ZNF721: variants seen among roughly 807,000 people sequenced by gnomAD.
ZNF721 encodes the protein zinc finger protein 721.
A neutral mutation model predicts 2.4 loss-of-function variants in ZNF721; 2 were observed. The ratio of observed to expected loss-of-function variants is 0.82; its 90% CI spans 0.34 to 2.58. ZNF721 has a LOEUF of 2.58. Among genes scored for constraint, ZNF721 ranks in the 30% most tolerant of loss-of-function variants. The pLI is 0.11. For synonymous variants in ZNF721, 398 were observed against 381.8 expected, an observed-to-expected ratio of 1.04 and a Z score of -0.50; for missense variants, 1,187 against 1,085.5, an observed-to-expected ratio of 1.09 and a Z score of -1.31.
In ZNF721 at chr4:490,348, C is replaced by T. The variant is rs1346054880; in HGVS notation, c.-94+8708G>A. On this transcript the variant is annotated intron_variant, in intron 1 of 2. Coordinates refer to ENST00000511833, the MANE Select transcript of ZNF721 (RefSeq NM_133474.4). Reference sequence around the variant, plus strand: ...ACAATTAGCCAGGTGTGGTGGCAGGCGCCTGTAGTCCCAGCTACTCAGGAG... The same window carrying T: ...ACAATTAGCCAGGTGTGGTGGCAGGTGCCTGTAGTCCCAGCTACTCAGGAG... Among the ~76,000 whole-genome samples, 5 of 151,982 alleles carry T rather than the reference C, an allele frequency of 3.3e-5. No homozygotes were observed. The East Asian group carries it at 9.8e-4, about 30-fold the overall frequency.
At chr4:452,404 A>T (rs1239735749) in intron 2 of ZNF721, among the ~76,000 whole-genome samples, 1 of 152,184 alleles carries the variant, frequency 6.6e-6, no homozygotes, top group Non-Finnish European at 1.5e-5. Flanking sequence ...TACCACTAAA[A>T]AGGAGGCCCA....
intron 2 of ZNF721, among the ~76,000 whole-genome samples, chr4:469,599 TAAAC>T (rs1219485278): frequency 6.6e-6 from 1 of 152,224 alleles, no homozygotes; most frequent in Admixed American, 6.5e-5. Context: ...AGTGTAACCT[TAAAC>T]AACTTTAAAT....
At chr4:490,810 T>G (rs1716001083) in intron 1 of ZNF721, among the ~76,000 whole-genome samples, 1 of 151,990 alleles carries the variant, frequency 6.6e-6, no homozygotes, top group Non-Finnish European at 1.5e-5. Context: ...CTGTGCAGGC[T>G]GGGCGCGGTG....
intron 2 of ZNF721, among the ~76,000 whole-genome samples, chr4:459,671 A>T (rs1714955845): frequency 6.6e-6 from 1 of 152,100 alleles, no homozygotes; most frequent in African/African-American, 2.4e-5. Flanking sequence ...CTCTACTAAA[A>T]ATACAAAAAA....
Position 442,094 on chromosome 4 carries a change from C to G in ZNF721, c.2373G>C (p.Thr791=), listed in dbSNP as rs371250652. The part of the protein sequence containing the change: ...YKCKECGKVI[T]SSSSFAKHKR... The stretch of plus-strand genomic sequence containing the variant: ...TATGTTTAGCAAAGCTTGAGGATGA[C>G]GTAATGACTTTGCCACATTCCTTAC... Residue 791 remains threonine, a synonymous_variant, in exon 3 of 3, where the codon ACG becomes ACC. Coordinates refer to ENST00000511833, the MANE Select transcript of ZNF721 (RefSeq NM_133474.4). The G allele has an allele frequency of 5.0e-5, 81 of 1,613,718 alleles. No individual in the cohort carries two copies. Among genetic ancestry groups the G allele is most frequent in the Middle Eastern group, 1.7e-4 (1 of 6,060 alleles).
rs1409771610 is a variant in ZNF721, at chr4:459,529, A to G, written c.34+13046T>C. On this transcript the variant is annotated intron_variant, in intron 2 of 2. Transcript: ENST00000511833. ...CTGATAAAACAGACTTTAAACCAAC[A>G]AAGATAAAAAACAGAAGGGGTCAGG... Among the ~76,000 whole-genome samples the G allele has an allele frequency of 2.0e-5, 3 of 151,496 alleles. No individual in the cohort carries two copies. In the East Asian group the frequency reaches 5.8e-4, roughly 29 times the overall value.
In ZNF721 at chr4:444,513, G is replaced by A. The variant is rs548474036; in HGVS notation, c.35-81C>T. 1.6e-3 allele frequency: 2,085 copies of A among 1,326,222 alleles called. 6 individuals are homozygous for A. The highest frequency in any genetic ancestry group is 1.9e-3 in the Non-Finnish European group (1,874 of 979,222). 82.2% of individuals were successfully genotyped at this position (1,326,222 alleles called of 1,614,324 possible). ...TTTACAAATCATAAGATTATACAAA[G>A]TACGCTAGTAAGATCACATAACAAA... On this transcript the variant is annotated intron_variant, in intron 2 of 2. Transcript: ENST00000511833.
At chr4:482,679 T>G (rs1280078773) in intron 1 of ZNF721, among the ~76,000 whole-genome samples, 1 of 151,420 alleles carries the variant, frequency 6.6e-6, no homozygotes, top group Non-Finnish European at 1.5e-5. Flanking sequence ...GTATTTTTAG[T>G]AGAGACGGGG....
At chr4:489,045 T>C (rs570166516) in intron 1 of ZNF721, among the ~76,000 whole-genome samples, 105 of 152,138 alleles carry the variant, frequency 6.9e-4, no homozygotes, top group Non-Finnish European at 1.4e-3. Flanking sequence ...CTGTCGCAAC[T>C]TAGGCCTAGG....
chr4:478,814 G>A (rs545793576), intron 1 of ZNF721, among the ~76,000 whole-genome samples: 1 of 149,052 alleles, frequency 6.7e-6, no homozygotes, highest in East Asian at 2.0e-4. Context: ...TTGTCGCCCA[G>A]GCTGGAGTGC....
At chr4:453,586 T>C (rs531554916) in intron 2 of ZNF721, 2 of 152,338 alleles carry the variant, frequency 1.3e-5, no homozygotes, top group African/African-American at 4.8e-5. Flanking sequence ...TATCTACTAA[T>C]GGTCAGCACA....
chr4:492,011 A>T (rs4690272), intron 1 of ZNF721, among the ~76,000 whole-genome samples: 80,616 of 150,570 alleles, frequency 0.54, 23,730 homozygotes, highest in East Asian at 0.71. Context: ...AAATACAAAA[A>T]ATTAGTCGGG....
intron 2 of ZNF721, among the ~76,000 whole-genome samples, chr4:462,770 G>A (rs530948268): frequency 1.3e-5 from 2 of 152,174 alleles, no homozygotes; most frequent in East Asian, 3.9e-4. Flanking sequence ...GATTAAAGAC[G>A]TAAATGTAAG....
chr4:448,193 A>G (rs1293110869), intron 2 of ZNF721, among the ~76,000 whole-genome samples: 5 of 152,158 alleles, frequency 3.3e-5, no homozygotes, highest in Admixed American at 2.0e-4. Context: ...TTAAAATTCA[A>G]ATTTTACAGA....
chr4:460,725 G>A (rs1274146339), intron 2 of ZNF721, among the ~76,000 whole-genome samples: 1 of 151,332 alleles, frequency 6.6e-6, no homozygotes, highest in African/African-American at 2.4e-5. Context: ...GAAGAAAAGA[G>A]AGAAGAATCA....
chr4:445,775 TACAC>T (rs1553864079), intron 2 of ZNF721, among the ~76,000 whole-genome samples: 2 of 152,146 alleles, frequency 1.3e-5, no homozygotes, highest in South Asian at 2.1e-4. Flanking sequence ...TCAACTAGGA[TACAC>T]ACACAGATTT....
intron 2 of ZNF721, among the ~76,000 whole-genome samples, chr4:471,949 CACTT>C (rs1272971330): frequency 1.3e-5 from 2 of 152,178 alleles, no homozygotes; most frequent in Admixed American, 1.3e-4. Context: ...AGTAAGTCCT[CACTT>C]AATGTTCAAA....
At chr4:483,381 C>T (rs1163922341) in intron 1 of ZNF721, among the ~76,000 whole-genome samples, 1 of 151,878 alleles carries the variant, frequency 6.6e-6, no homozygotes, top group Non-Finnish European at 1.5e-5. Context: ...AACCCCGTCT[C>T]TACTAAAAAT....
chr4:476,377 C>T (rs1291095117), intron 1 of ZNF721, among the ~76,000 whole-genome samples: 1 of 152,182 alleles, frequency 6.6e-6, no homozygotes, highest in African/African-American at 2.4e-5. Flanking sequence ...TGAATCTGAA[C>T]TTACCTCCTG....
Sources: allele counts gnomAD v4.1 joint callset (sites outside exome capture counted in the v4.1 genomes callset), GRCh38; gene constraint gnomAD v4.1.1; transcripts MANE v1.5; gene names NCBI Gene and HGNC (gene_info 2026-07-23, HGNC 2026-07-21).